ACOX3: variants seen among roughly 807,000 people sequenced by gnomAD.
The protein encoded by ACOX3 is acyl-CoA oxidase 3, pristanoyl, also known as peroxisomal acyl-coenzyme A oxidase 3.
A neutral mutation model predicts 81.5 loss-of-function variants in ACOX3; 73 were observed. That is an observed-to-expected ratio of 0.90 (90% CI 0.74 to 1.09). ACOX3 has a LOEUF of 1.09. Among genes scored for constraint, ACOX3 ranks in the 50% least tolerant of loss-of-function variants. The pLI is 0.00. For missense variants in ACOX3, 947 were observed against 928.0 expected, an observed-to-expected ratio of 1.02 and a Z score of -0.27; for synonymous variants, 387 against 375.1, an observed-to-expected ratio of 1.03 and a Z score of -0.37.
chr4:8,425,745 G>T (rs773096006), intron 1 of ACOX3, among the ~76,000 whole-genome samples: 4 of 151,446 alleles, frequency 2.6e-5, no homozygotes, highest in Non-Finnish European at 5.9e-5. Context: ...TTCCTTGTAG[G>T]ACAGAAAAGG....
downstream of ACOX3, among the ~76,000 whole-genome samples, chr4:8,361,456 A>AAAAAAAG (rs1715233479): frequency 6.7e-6 from 1 of 149,520 alleles, no homozygotes; most frequent in Non-Finnish European, 1.5e-5. Flanking sequence ...AAAAAAAAAA[A>AAAAAAAG]AGGATTGTTT....
chr4:8,423,602 T>G lies in ACOX3; in HGVS notation c.-14-7067A>C, dbSNP rs1041677857. ...CAGAAACCCAATGGACAGTGGAGGT[T>G]AGTGCAAGATCTCAGGATTATCAAT... On this transcript the variant is annotated intron_variant, in intron 1 of 17. Coordinates refer to ENST00000356406, the MANE Select transcript of ACOX3 (RefSeq NM_003501.3). This position sits in a 1 kb window ranked among gnomAD's most constrained non-coding sequence, Gnocchi z 4.2. 6.6e-6 allele frequency among the ~76,000 whole-genome samples: 1 copy of G among 152,148 alleles called. No homozygotes were observed. Among genetic ancestry groups the G allele is most frequent in the Admixed American group, 6.5e-5 (1 of 15,268 alleles).
chr4:8,428,615 C>G (rs1337018484), intron 1 of ACOX3: 2 of 152,276 alleles, frequency 1.3e-5, no homozygotes, highest in African/African-American at 4.8e-5. Flanking sequence ...CTCCCGGGCA[C>G]TCTTGCCTTC....
At chr4:8,373,930 G>A (rs1716591223) in intron 15 of ACOX3, 1 of 465,650 alleles carries the variant, frequency 2.1e-6, no homozygotes, top group African/African-American at 2.0e-5. Flanking sequence ...CTGGGGTTCA[G>A]GGAGGCTGGG....
At chr4:8,440,056 T>A (rs1216099356) in intron 1 of ACOX3, among the ~76,000 whole-genome samples, 1 of 152,240 alleles carries the variant, frequency 6.6e-6, no homozygotes, top group Admixed American at 6.5e-5. Flanking sequence ...TATCTGTAAA[T>A]TCCAGACATT....
Position 8,432,595 on chromosome 4 carries a change from G to A in ACOX3, c.-15+8053C>T, listed in dbSNP as rs1278208932. 6.6e-6 allele frequency among the ~76,000 whole-genome samples: 1 copy of A among 152,036 alleles called. No homozygotes were observed. The highest frequency in any genetic ancestry group is 1.5e-5 in the Non-Finnish European group (1 of 68,022). On this transcript the variant is annotated intron_variant, in intron 1 of 17. Transcript: ENST00000356406. This position sits in a 1 kb window ranked among gnomAD's most constrained non-coding sequence, Gnocchi z 6.2. ...TTTAACGGGTTTCTATGCTGTTAAG[G>A]TCTTGGCATCAGATGAGTTTCTGGC...
At chr4:8,428,932 G>A (rs1723778037) in intron 1 of ACOX3, among the ~76,000 whole-genome samples, 1 of 152,204 alleles carries the variant, frequency 6.6e-6, no homozygotes, top group Non-Finnish European at 1.5e-5. Context: ...TGAAGTTTGA[G>A]AACCGTGGTT....
chr4:8,363,570 AG>A (rs1715275960), downstream of ACOX3, among the ~76,000 whole-genome samples: 1 of 152,240 alleles, frequency 6.6e-6, no homozygotes, highest in Non-Finnish European at 1.5e-5. Flanking sequence ...TATAAAAGGG[AG>A]GGGAGCAATG....
intron 1 of ACOX3, among the ~76,000 whole-genome samples, chr4:8,434,221 A>G (rs373676719): frequency 1.3e-5 from 2 of 152,268 alleles, no homozygotes; most frequent in Non-Finnish European, 2.9e-5. Flanking sequence ...ACCCTTTCAC[A>G]TGGACCCCTT....
rs1216387505 is a variant in ACOX3, at chr4:8,382,956, A to C, written c.1538-1349T>G. ...CAGTGAGCCGAGATCGCGCCACTGC[A>C]CTCCAGCCTGGGCGACAGAGCGAGA... On this transcript the variant is annotated intron_variant, in intron 13 of 17. Transcript: ENST00000356406. This position sits in a 1 kb window ranked among gnomAD's most constrained non-coding sequence, Gnocchi z 4.1. Among the ~76,000 whole-genome samples, 3 of 139,388 alleles carry C rather than the reference A, an allele frequency of 2.2e-5. No homozygotes were observed. The highest frequency in any genetic ancestry group is 4.3e-4 in the East Asian group (2 of 4,690). 91.4% of individuals were successfully genotyped at this position (139,388 alleles called of 152,430 possible).
At position 8,416,109 on chromosome 4, in the gene ACOX3, C is replaced by A; in HGVS notation, c.145-110G>T. The A allele has an allele frequency of 8.8e-7, 1 of 1,132,024 alleles. No individual in the cohort carries two copies. Among genetic ancestry groups the A allele is most frequent in the Non-Finnish European group, 1.3e-6 (1 of 778,986 alleles). 70.1% of individuals were successfully genotyped at this position (1,132,024 alleles called of 1,614,324 possible). On this transcript the variant is annotated intron_variant, in intron 2 of 17. Transcript: ENST00000356406. This position sits in a 1 kb window ranked among gnomAD's most constrained non-coding sequence, Gnocchi z 4.2. ...CAGGCTTCATGGGACACAGTCTGAC[C>A]CGGAGACACCCAGACAGAGATATGA...
rs988531396 is a variant in ACOX3, at chr4:8,389,931, C to A, written c.1301-197G>T. On this transcript the variant is annotated intron_variant, in intron 11 of 17. Transcript: ENST00000356406. This position sits in a 1 kb window ranked among gnomAD's most constrained non-coding sequence, Gnocchi z 5.3. Reference sequence around the variant, plus strand: ...ACCAGCCTGACCAACATGGTGAAACCCACCTCTACTAAAAATACAAAAATA... The same window carrying A: ...ACCAGCCTGACCAACATGGTGAAACACACCTCTACTAAAAATACAAAAATA... Among the ~76,000 whole-genome samples the A allele has an allele frequency of 6.6e-6, 1 of 151,890 alleles. No homozygotes were observed. Among genetic ancestry groups the A allele is most frequent in the East Asian group, 1.9e-4 (1 of 5,190 alleles).
In ACOX3 at chr4:8,382,801, G is replaced by C. The variant is rs1174607229; in HGVS notation, c.1538-1194C>G. 6.6e-6 allele frequency among the ~76,000 whole-genome samples: 1 copy of C among 152,040 alleles called. No individual in the cohort carries two copies. The highest frequency in any genetic ancestry group is 1.5e-5 in the Non-Finnish European group (1 of 67,984). On this transcript the variant is annotated intron_variant, in intron 13 of 17. Transcript: ENST00000356406. This position sits in a 1 kb window ranked among gnomAD's most constrained non-coding sequence, Gnocchi z 4.1. ...AGGTCAGGAGATCGAGACCATCCTG[G>C]CTAACACGGTGAAACCCCGTCTCTA... is the stretch of plus-strand genomic sequence containing the variant.
chr4:8,364,745 C>T (rs920555962), downstream of ACOX3, among the ~76,000 whole-genome samples: 2 of 152,218 alleles, frequency 1.3e-5, no homozygotes, highest in African/African-American at 4.8e-5. The surrounding 1 kb of genome is among the most constrained non-coding windows in gnomAD (Gnocchi z 5.0). Context: ...ACTTCTGTGA[C>T]CTGCTGGTAG....
At chr4:8,377,452 C>T (rs769879109) in intron 14 of ACOX3, among the ~76,000 whole-genome samples, 5 of 140,516 alleles carry the variant, frequency 3.6e-5, no homozygotes, top group African/African-American at 8.7e-5. Flanking sequence ...TGAAACACAG[C>T]GTCACTCGGC....
In ACOX3 at chr4:8,423,927, G is replaced by A. The variant is rs907489419; in HGVS notation, c.-14-7392C>T. 8.5e-5 allele frequency among the ~76,000 whole-genome samples: 13 copies of A among 152,164 alleles called. No homozygotes were observed. Among genetic ancestry groups the A allele is most frequent in the African/African-American group, 2.9e-4 (12 of 41,436 alleles). The stretch of plus-strand genomic sequence containing the variant: ...TGGGCACTCTTGTCCTTCGGTATGC[G>A]GATGATTTACTTTTAGCCACCCATT... On this transcript the variant is annotated intron_variant, in intron 1 of 17. Coordinates refer to ENST00000356406, the MANE Select transcript of ACOX3 (RefSeq NM_003501.3). The surrounding 1 kb of genome is among the most constrained non-coding windows in gnomAD (Gnocchi z 4.2).
chr4:8,399,257 C>A lies in ACOX3; in HGVS notation c.873+299G>T, dbSNP rs71603931. On this transcript the variant is annotated intron_variant, in intron 8 of 17. Transcript: ENST00000356406. The surrounding 1 kb of genome is among the most constrained non-coding windows in gnomAD (Gnocchi z 4.9). ...AGTTCGCCAGGAGACCCGTCTCCTT[C>A]AAATCCTCAGGGAAGCATCACTGGA... Among the ~76,000 whole-genome samples, 9,101 of 152,258 alleles carry A rather than the reference C, an allele frequency of 0.06. 399 individuals carry two copies. Among genetic ancestry groups the A allele is most frequent in the South Asian group, 0.19 (910 of 4,820 alleles).
At chr4:8,427,516 G>A (rs182992608) in intron 1 of ACOX3, among the ~76,000 whole-genome samples, 139 of 152,298 alleles carry the variant, frequency 9.1e-4, no homozygotes, top group African/African-American at 2.6e-3. Flanking sequence ...TGCTGCTCCC[G>A]GGCTAGAGAC....
In ACOX3 at chr4:8,375,037, C is replaced by T. The variant is rs758065310; in HGVS notation, c.1769G>A (p.Arg590Gln). ...VPPSLRAVLG[R>Q]LSALYALWSL... ...CCACAGGGCGTACAGAGCACTGAGC[C>T]GCCCCAGCACGGCCCGCAGCGAGGG... Residue 590 changes from arginine to glutamine, a missense_variant, in exon 15 of 18, where the codon CGG (arginine) becomes CAG (glutamine). Arg to Gln is a conservative substitution (Grantham distance 43). Transcript: ENST00000356406. 8.4e-6 allele frequency: 13 copies of T among 1,554,634 alleles called. No individual in the cohort carries two copies. The highest frequency in any genetic ancestry group is 7.8e-5 in the Admixed American group (4 of 51,158).
Sources: gnomAD v4.1 joint callset for allele counts (sites outside exome capture counted in the v4.1 genomes callset) on GRCh38, gnomAD v4.1.1 for gene constraint, Gnocchi (gnomAD v3.1) non-coding constraint, MANE v1.5 for transcripts, NCBI Gene and HGNC (gene_info 2026-07-23, HGNC 2026-07-21) for gene names.